Variants in NWD2 observed in about 807,000 individuals in gnomAD.
The protein encoded by NWD2 is NACHT and WD repeat domain-containing protein 2.
A neutral mutation model predicts 132.7 loss-of-function variants in NWD2; 37 were observed. The observed-to-expected ratio is 0.28, with a 90% confidence interval of 0.21 to 0.37. The LOEUF (loss-of-function observed/expected upper bound fraction) is 0.37. NWD2 is among the 10% of genes least tolerant of loss of function. NWD2 has a pLI of 1.00. For synonymous variants in NWD2, 705 were observed against 803.0 expected (o/e 0.88, Z 2.06); for missense variants, 1,592 against 2,122.4 (o/e 0.75, Z 4.91).
chr4:37,291,123 C>T (rs1338396338), intron 1 of NWD2, among the ~76,000 whole-genome samples: 2 of 152,194 alleles, frequency 1.3e-5, no homozygotes, highest in Non-Finnish European at 2.9e-5. Context: ...GATAACCACA[C>T]TCACTAACAG....
intron 1 of NWD2, among the ~76,000 whole-genome samples, chr4:37,304,166 C>T (rs940543598): frequency 6.6e-6 from 1 of 152,172 alleles, no homozygotes; most frequent in African/African-American, 2.4e-5. Context: ...AAAGCAGGCA[C>T]TTCATACATG....
intron 1 of NWD2, among the ~76,000 whole-genome samples, chr4:37,249,866 T>A (rs886406756): frequency 6.6e-6 from 1 of 152,086 alleles, no homozygotes; most frequent in Admixed American, 6.6e-5. Context: ...GCCTTTGGGG[T>A]CTCCATAGGA....
chr4:37,356,428 C>G lies in NWD2; in HGVS notation c.303C>G (p.Thr101=), dbSNP rs550232982. 48 of 1,551,500 alleles carry G rather than the reference C, an allele frequency of 3.1e-5. 1 individual carries two copies. In the South Asian group the frequency reaches 5.5e-4, roughly 18 times the overall value. ...GGGACAGCCCAGAGCTCCAGAAGAC[C>G]CGCATGAAGCTGCTGGAGAATTGCT... is the stretch of plus-strand genomic sequence containing the variant. The part of the protein sequence containing the change: ...DEWDSPELQK[T]RMKLLENCLK... Residue 101 remains threonine, a synonymous_variant, in exon 3 of 7, where the codon ACC becomes ACG. Transcript: ENST00000309447.
intron 3 of NWD2, among the ~76,000 whole-genome samples, chr4:37,371,900 GC>G (rs1408499291): frequency 2.0e-5 from 3 of 152,126 alleles, no homozygotes; most frequent in African/African-American, 7.2e-5. Context: ...GTGAAGCAGA[GC>G]TGTATTCATG....
At chr4:37,307,134 A>G (rs1718726524) in intron 1 of NWD2, among the ~76,000 whole-genome samples, 1 of 152,122 alleles carries the variant, frequency 6.6e-6, no homozygotes, top group South Asian at 2.1e-4. Flanking sequence ...TCTAGGGTAT[A>G]GTTTAACTCC....
At chr4:37,398,386 T>C (rs545311217) in intron 3 of NWD2, among the ~76,000 whole-genome samples, 1 of 152,126 alleles carries the variant, frequency 6.6e-6, no homozygotes, top group African/African-American at 2.4e-5. Context: ...CAGTCATAAG[T>C]GGGAGCTAAA....
At chr4:37,252,738 T>C (rs1336120290) in intron 1 of NWD2, among the ~76,000 whole-genome samples, 3 of 152,210 alleles carry the variant, frequency 2.0e-5, no homozygotes, top group Non-Finnish European at 4.4e-5. Flanking sequence ...AGCTTTTCGC[T>C]CATCTTTCAG....
intron 3 of NWD2, among the ~76,000 whole-genome samples, chr4:37,363,246 T>C (rs1210109484): frequency 6.6e-6 from 1 of 152,154 alleles, no homozygotes; most frequent in Non-Finnish European, 1.5e-5. Flanking sequence ...AAAAGCAGTT[T>C]GGAGATTTCT....
At chr4:37,343,772 A>C (rs1222677358) in intron 2 of NWD2, among the ~76,000 whole-genome samples, 1 of 152,200 alleles carries the variant, frequency 6.6e-6, no homozygotes, top group East Asian at 1.9e-4. Context: ...ATGAATTCAA[A>C]TTTGACTCTC....
Position 37,443,249 on chromosome 4 carries a change from C to T in NWD2, c.1297-36C>T, listed in dbSNP as rs1712532360. 1 of 1,488,698 alleles carries T rather than the reference C, an allele frequency of 6.7e-7. No homozygotes were observed. Among genetic ancestry groups the T allele is most frequent in the Non-Finnish European group, 9.1e-7 (1 of 1,096,734 alleles). 92.2% of individuals were successfully genotyped at this position (1,488,698 alleles called of 1,614,324 possible). A position where few individuals can be genotyped will look rare whatever the true frequency, so the allele number is the denominator to read the frequency against. On this transcript the variant is annotated intron_variant, in intron 6 of 6. Transcript: ENST00000309447. The surrounding 1 kb of genome is among the most constrained non-coding windows in gnomAD (Gnocchi z 4.1). ...GTTATCACATATGACCATGTGAATA[C>T]ATATTACCATTCTAAACTCCACTTT...
chr4:37,305,513 G>A (rs116462930), intron 1 of NWD2, among the ~76,000 whole-genome samples: 13 of 152,182 alleles, frequency 8.5e-5, no homozygotes, highest in Non-Finnish European at 1.5e-4. Flanking sequence ...GTTGAAGTAC[G>A]TTCTTTCTGT....
chr4:37,277,074 T>C (rs1026371214), intron 1 of NWD2, among the ~76,000 whole-genome samples: 3 of 151,634 alleles, frequency 2.0e-5, no homozygotes, highest in African/African-American at 7.3e-5. Flanking sequence ...ACATGGCACA[T>C]GTACATATGT....
intron 2 of NWD2, among the ~76,000 whole-genome samples, chr4:37,338,635 A>G (rs1719459409): frequency 6.6e-6 from 1 of 152,230 alleles, no homozygotes; most frequent in African/African-American, 2.4e-5. Flanking sequence ...TCAAAATTGT[A>G]TGTTAAATTT....
At position 37,325,940 on chromosome 4, in the gene NWD2, G is replaced by A. The variant is rs368673772; in HGVS notation, c.156G>A (p.Thr52=). The A allele has an allele frequency of 3.9e-6, 6 of 1,538,984 alleles. No homozygotes were observed. Among genetic ancestry groups the A allele is most frequent in the South Asian group, 1.2e-5 (1 of 83,562 alleles). The change falls in exon 2 of 7, where the codon ACG becomes ACA. Residue 52 remains threonine, a synonymous_variant. Transcript: ENST00000309447. ...GTGTTTGTCTTTCTACTACAGATAC[G>A]GGAGCAGAAAGACAGGCGCTAAGAG... The part of the protein sequence containing the change: ...RVFISANPED[T]GAERQALREN...
chr4:37,248,254 G>A (rs1222418689), intron 1 of NWD2, among the ~76,000 whole-genome samples: 1 of 152,180 alleles, frequency 6.6e-6, no homozygotes, highest in Non-Finnish European at 1.5e-5. Flanking sequence ...CAGACTTAAA[G>A]AGTATGAACA....
chr4:37,271,256 C>A (rs1452946752), intron 1 of NWD2, among the ~76,000 whole-genome samples: 5 of 151,778 alleles, frequency 3.3e-5, no homozygotes, highest in African/African-American at 7.3e-5. Context: ...ATATTAAAAT[C>A]TGTCAAGTTC....
At chr4:37,436,622 G>A (rs921552287) in intron 5 of NWD2, among the ~76,000 whole-genome samples, 1 of 152,146 alleles carries the variant, frequency 6.6e-6, no homozygotes, top group Non-Finnish European at 1.5e-5. Context: ...AAAGGTGGCA[G>A]AGCATATCTC....
In NWD2 at chr4:37,366,589, C is replaced by A. The variant is rs142531631; in HGVS notation, c.357+10107C>A. 5.9e-4 allele frequency among the ~76,000 whole-genome samples: 90 copies of A among 152,050 alleles called. 2 individuals carry two copies. The East Asian group carries it at 0.015, about 26-fold the overall frequency. ...TATTAAATACAGGTTCAACTGTATGCGGTTTTCAAGAGTTCTCTTTAAAGG... is the reference window on the plus strand; with the variant it reads ...TATTAAATACAGGTTCAACTGTATGAGGTTTTCAAGAGTTCTCTTTAAAGG... On this transcript the variant is annotated intron_variant, in intron 3 of 6. Coordinates refer to ENST00000309447, the MANE Select transcript of NWD2 (RefSeq NM_001144990.2).
At chr4:37,339,213 T>C (rs1386326736) in intron 2 of NWD2, among the ~76,000 whole-genome samples, 3 of 152,100 alleles carry the variant, frequency 2.0e-5, no homozygotes, top group African/African-American at 7.2e-5. Context: ...TGAGGCAGCT[T>C]ATAAAAAGGG....
Sources: gnomAD v4.1 joint callset for allele counts (sites outside exome capture counted in the v4.1 genomes callset) on GRCh38, gnomAD v4.1.1 for gene constraint, Gnocchi (gnomAD v3.1) non-coding constraint, MANE v1.5 for transcripts, NCBI Gene and HGNC (gene_info 2026-07-23, HGNC 2026-07-21) for gene names.